DSCAM: variants seen among roughly 807,000 people sequenced by gnomAD.
The protein encoded by DSCAM is cell adhesion molecule DSCAM.
Under a neutral mutation model 217.7 loss-of-function variants are expected in DSCAM, and 47 were observed. The observed-to-expected ratio is 0.22, with a 90% confidence interval of 0.17 to 0.28. DSCAM has a LOEUF of 0.28. Among genes scored for constraint, DSCAM ranks in the 10% least tolerant of loss-of-function variants. DSCAM has a pLI of 1.00. For synonymous variants in DSCAM, 1,056 were observed against 1,015.3 expected, an observed-to-expected ratio of 1.04 and a Z score of -0.76; for missense variants, 2,080 against 2,618.3, an observed-to-expected ratio of 0.79 and a Z score of 4.49.
chr21:40,799,382 T>A (rs761105894), intron 1 of DSCAM, among the ~76,000 whole-genome samples: 1 of 152,184 alleles, frequency 6.6e-6, no homozygotes, highest in Non-Finnish European at 1.5e-5. Flanking sequence ...AATAGCTGAT[T>A]GGTGAAACTC....
chr21:40,250,895 C>T (rs933429882), intron 11 of DSCAM, among the ~76,000 whole-genome samples: 1 of 152,226 alleles, frequency 6.6e-6, no homozygotes, highest in Non-Finnish European at 1.5e-5. Flanking sequence ...CCTGCATCTC[C>T]AAGACCCTGT....
intron 3 of DSCAM, among the ~76,000 whole-genome samples, chr21:40,385,560 AATAT>A (rs1389833190): frequency 6.6e-6 from 1 of 152,194 alleles, no homozygotes; most frequent in Non-Finnish European, 1.5e-5. Flanking sequence ...TCTACCTAGA[AATAT>A]ATGTATTGCA....
At chr21:40,333,528 C>T (rs143786069) in intron 8 of DSCAM, among the ~76,000 whole-genome samples, 39 of 152,224 alleles carry the variant, frequency 2.6e-4, no homozygotes, top group African/African-American at 8.7e-4. Context: ...CCATGCCTGG[C>T]TAATTTTTGT....
rs183933348 is a variant in DSCAM at position 40,828,193 on chromosome 21, A to G, written c.43+18426T>C. ...TGAGGCGGGGGGACTGTTTGAGCCC[A>G]GGAGTTCAAGACCAGCCCAGGCAAC... On this transcript the variant is annotated intron_variant, in intron 1 of 32. Coordinates refer to ENST00000400454, the MANE Select transcript of DSCAM (RefSeq NM_001389.5). 9.6e-4 allele frequency among the ~76,000 whole-genome samples: 146 copies of G among 152,324 alleles called. 1 individual carries two copies. The highest frequency in any genetic ancestry group is 3.5e-3 in the African/African-American group (145 of 41,572).
intron 3 of DSCAM, among the ~76,000 whole-genome samples, chr21:40,478,493 G>A (rs1384475674): frequency 1.3e-5 from 2 of 152,158 alleles, no homozygotes; most frequent in Non-Finnish European, 2.9e-5. Context: ...AAATAAAATA[G>A]CAAATTGTAA....
chr21:40,540,547 G>C (rs549215169), intron 3 of DSCAM, among the ~76,000 whole-genome samples: 16 of 152,244 alleles, frequency 1.1e-4, no homozygotes, highest in African/African-American at 3.8e-4. Flanking sequence ...CTTCCACATT[G>C]TAGGAAGCTT....
chr21:40,080,265 T>C lies in DSCAM; in HGVS notation c.4307A>G (p.Tyr1436Cys), dbSNP rs779385463. 3.7e-6 allele frequency: 6 copies of C among 1,613,630 alleles called. No individual in the cohort carries two copies. In the African/African-American group the frequency reaches 6.7e-5, roughly 18 times the overall value. The change falls in exon 25 of 33, where the codon TAT becomes TGT. Residue 1436 changes from tyrosine (Y) to cysteine (C), a missense_variant. By Grantham distance (194) the Tyr-to-Cys change is radical (BLOSUM62 -2). Around this residue, in one of 5 missense-constraint regions of DSCAM, gnomAD observed 1,144 missense variants for 1,421.1 expected, o/e 0.81. Coordinates refer to ENST00000400454, the MANE Select transcript of DSCAM (RefSeq NM_001389.5). ...CCCACATTTGAGATTTTCCAAGCGA[T>C]AGGAACGTTCGCTGGGGCTGATTGG... ...SFPISPSERSYRLENLKCGTW... is the reference protein window; with the variant it reads ...SFPISPSERSCRLENLKCGTW...
chr21:40,525,182 G>A (rs2076391250), intron 3 of DSCAM, among the ~76,000 whole-genome samples: 1 of 152,152 alleles, frequency 6.6e-6, no homozygotes, highest in South Asian at 2.1e-4. Context: ...ATACTGTTGA[G>A]TCCCAAAAGT....
chr21:40,723,365 T>C (rs950322526), intron 1 of DSCAM, among the ~76,000 whole-genome samples: 1 of 152,318 alleles, frequency 6.6e-6, no homozygotes, highest in Non-Finnish European at 1.5e-5. Flanking sequence ...TACTCATTCA[T>C]TGAATGTCAG....
At chr21:40,535,052 C>T (rs1479318743) in intron 3 of DSCAM, among the ~76,000 whole-genome samples, 1 of 151,984 alleles carries the variant, frequency 6.6e-6, no homozygotes, top group Non-Finnish European at 1.5e-5. Flanking sequence ...CCTTTGATAC[C>T]AAGTCACTAG....
At chr21:40,319,929 T>C (rs373893542) in intron 8 of DSCAM, among the ~76,000 whole-genome samples, 23 of 152,314 alleles carry the variant, frequency 1.5e-4, no homozygotes, top group African/African-American at 5.5e-4. Context: ...AGCCATTATC[T>C]TCCACAAACT....
At chr21:40,423,932 T>A (rs2075448641) in intron 3 of DSCAM, among the ~76,000 whole-genome samples, 1 of 152,172 alleles carries the variant, frequency 6.6e-6, no homozygotes, top group East Asian at 1.9e-4. Flanking sequence ...TAGAGAAATA[T>A]TACAAACAAA....
At chr21:40,423,034 C>T (rs549574217) in intron 3 of DSCAM, among the ~76,000 whole-genome samples, 10 of 152,132 alleles carry the variant, frequency 6.6e-5, no homozygotes, top group Non-Finnish European at 7.3e-5. Flanking sequence ...ACTATTAGAG[C>T]TAGAGGGGTT....
chr21:40,346,374 G>C (rs1034743088), intron 6 of DSCAM, among the ~76,000 whole-genome samples: 1 of 152,134 alleles, frequency 6.6e-6, no homozygotes, highest in Non-Finnish European at 1.5e-5. Flanking sequence ...TAAAAAATTA[G>C]CTAAGGTTAA....
chr21:40,517,432 CA>C (rs2076311626), intron 3 of DSCAM, among the ~76,000 whole-genome samples: 1 of 151,296 alleles, frequency 6.6e-6, no homozygotes, highest in Non-Finnish European at 1.5e-5. Context: ...CACACACACA[CA>C]CACAGACACG....
intron 3 of DSCAM, among the ~76,000 whole-genome samples, chr21:40,591,430 T>C (rs1252291778): frequency 6.6e-6 from 1 of 152,242 alleles, no homozygotes; most frequent in African/African-American, 2.4e-5. Context: ...CTAGTTGTTA[T>C]ATAAAGCCAT....
At chr21:40,831,911 G>T (rs1054043014) in intron 1 of DSCAM, among the ~76,000 whole-genome samples, 1 of 152,278 alleles carries the variant, frequency 6.6e-6, no homozygotes, top group South Asian at 2.1e-4. Flanking sequence ...ACTCTTTAAA[G>T]AAAATTTAAC....
At chr21:40,580,662 A>T (rs1245166044) in intron 3 of DSCAM, among the ~76,000 whole-genome samples, 3 of 152,240 alleles carry the variant, frequency 2.0e-5, no homozygotes, top group Non-Finnish European at 4.4e-5. Context: ...CACCAGTAGA[A>T]GAAATAAAGG....
intron 20 of DSCAM, among the ~76,000 whole-genome samples, chr21:40,116,357 A>G (rs1162924117): frequency 6.6e-6 from 1 of 152,232 alleles, no homozygotes; most frequent in Non-Finnish European, 1.5e-5. Context: ...CTAGCCGTGA[A>G]ATAAAAAGAT....
Sources: gnomAD v4.1 joint callset for allele counts (sites outside exome capture counted in the v4.1 genomes callset) on GRCh38, gnomAD v4.1.1 for gene constraint, gnomAD v4.1.1 regional missense constraint, MANE v1.5 for transcripts, NCBI Gene and HGNC (gene_info 2026-07-23, HGNC 2026-07-21) for gene names.